Variants in NIPAL1 observed in about 807,000 individuals in gnomAD.
NIPAL1 encodes the protein NIPA like domain containing 1.
NIPAL1 carries 35 observed loss-of-function variants against 37.7 expected under a neutral mutation model. The ratio of observed to expected loss-of-function variants is 0.93; its 90% CI spans 0.71 to 1.23. The LOEUF is 1.23. NIPAL1 is among the 50% of genes most tolerant of loss of function. The pLI is 0.00. For synonymous variants in NIPAL1, 162 were observed against 183.0 expected, an observed-to-expected ratio of 0.89 and a Z score of 0.93; for missense variants, 412 against 473.9, an observed-to-expected ratio of 0.87 and a Z score of 1.21.
rs1715655946 is a variant in NIPAL1, at chr4:48,025,079, T to C, written c.58T>C (p.Ser20Pro). The C allele has an allele frequency of 6.2e-7, 1 of 1,613,942 alleles. No homozygotes were observed. The highest frequency in any genetic ancestry group is 8.5e-7 in the Non-Finnish European group (1 of 1,179,784). ...TTCCTTTTTTCCAGGATATGTGCTG[T>C]CTCTGGTCTGTCCAAACTCCTCCCA... ...GEPCREGYVL[S>P]LVCPNSSQAW... Residue 20 changes from serine to proline, a missense_variant, in exon 2 of 6, where the codon TCT (serine) becomes CCT (proline). Physicochemically the swap from Ser to Pro is moderately conservative, Grantham distance 74. Coordinates refer to ENST00000295461, the MANE Select transcript of NIPAL1 (RefSeq NM_207330.3).
rs1715720664 is a variant in NIPAL1 at position 48,027,552 on chromosome 4, GAAAGTCCTA to G, written c.313+2221_313+2229del. On this transcript the variant is annotated intron_variant, in intron 2 of 5. Transcript: ENST00000295461. This position sits in a 1 kb window ranked among gnomAD's most constrained non-coding sequence, Gnocchi z 4.1. The stretch of plus-strand genomic sequence containing the variant: ...TAGTAATTTGCCAATTTCTTAAGAA[GAAAGTCCTA>G]AATAAGCACAGTTAACTACTTTGCA... Among the ~76,000 whole-genome samples the G allele has an allele frequency of 6.6e-6, 1 of 152,296 alleles. No individual in the cohort carries two copies. The highest frequency in any genetic ancestry group is 2.4e-5 in the African/African-American group (1 of 41,562).
intron 1 of NIPAL1, among the ~76,000 whole-genome samples, chr4:48,023,073 G>GTTTTGT (rs60567859): frequency 0.021 from 3,246 of 151,254 alleles, 112 homozygotes; most frequent in African/African-American, 0.074. Context: ...TCTTTGTTTT[G>GTTTTGT]TTTTGTTTTT....
At chr4:48,032,004 G>T (rs149500841) in intron 3 of NIPAL1, among the ~76,000 whole-genome samples, 1 of 152,284 alleles carries the variant, frequency 6.6e-6, no homozygotes, top group East Asian at 1.9e-4. Flanking sequence ...CTCCCAAAGT[G>T]CTGGGATTAC....
At chr4:48,025,418 C>T in intron 2 of NIPAL1, 84 bp downstream of exon 2, 3 of 1,316,994 alleles carry the variant, frequency 2.3e-6, no homozygotes, top group Non-Finnish European at 3.2e-6. Flanking sequence ...CTCTTATAAA[C>T]TTGCTTGTGT....
intron 1 of NIPAL1, 44 bp from the exon 2 acceptor site, chr4:48,025,024 C>G (rs1363780211): frequency 1.3e-6 from 2 of 1,573,220 alleles, no homozygotes; most frequent in South Asian, 2.3e-5. Context: ...GCATTAATAC[C>G]TCTCCCTTTC....
At chr4:48,017,306 G>A (rs98270) in intron 1 of NIPAL1, among the ~76,000 whole-genome samples, 50,584 of 152,094 alleles carry the variant, frequency 0.33, 8,666 homozygotes, top group South Asian at 0.47. Flanking sequence ...GTCTGCCTGG[G>A]GGGCCCGTGG....
rs199620025 is a variant in NIPAL1, at chr4:48,039,341, C to CA, written c.*3183dup. On this transcript the variant is annotated 3_prime_UTR_variant, in exon 6 of 6. Transcript: ENST00000295461. Reference sequence around the variant, plus strand: ...CCTGGGTAACAGCAAGACTCCGTCTCAAAAAAAAAAAAAATTCCCAAATAG... The same window carrying CA: ...CCTGGGTAACAGCAAGACTCCGTCTCAAAAAAAAAAAAAAATTCCCAAATAG... 17,090 of 131,392 alleles carry CA rather than the reference C, an allele frequency of 0.13. 1,233 individuals carry two copies. Among genetic ancestry groups the CA allele is most frequent in the South Asian group, 0.27 (1,174 of 4,338 alleles). The allele number at this position is 131,392 out of a possible 1,614,324, so 8.1% of individuals were successfully genotyped here.
chr4:48,031,616 TTAAG>T (rs1290660811), intron 3 of NIPAL1, among the ~76,000 whole-genome samples: 8 of 152,228 alleles, frequency 5.3e-5, no homozygotes, highest in Admixed American at 2.6e-4. Context: ...ACATTAGAGA[TTAAG>T]TAAGTGATAT....
chr4:48,039,843 C>T lies in NIPAL1; in HGVS notation c.*3671C>T, dbSNP rs1577630388. ...GGACCATTGAGTGCCTATTTTTATACATTCATCTTTTCTCAATTTGTCACA... is the reference window on the plus strand; with the variant it reads ...GGACCATTGAGTGCCTATTTTTATATATTCATCTTTTCTCAATTTGTCACA... On this transcript the variant is annotated 3_prime_UTR_variant, in exon 6 of 6. Coordinates refer to ENST00000295461, the MANE Select transcript of NIPAL1 (RefSeq NM_207330.3). 2 of 152,188 alleles carry T rather than the reference C, an allele frequency of 1.3e-5. No homozygotes were observed. Among genetic ancestry groups the T allele is most frequent in the East Asian group, 3.8e-4 (2 of 5,204 alleles). The allele number at this position is 152,188 out of a possible 1,614,324, so 9.4% of individuals were successfully genotyped here. A position where few individuals can be genotyped will look rare whatever the true frequency, so the allele number is the denominator to read the frequency against.
At chr4:48,032,211 C>A (rs527511609) in intron 3 of NIPAL1, among the ~76,000 whole-genome samples, 1 of 152,218 alleles carries the variant, frequency 6.6e-6, no homozygotes, top group African/African-American at 2.4e-5. Context: ...CTTTCTCTCT[C>A]TACAATAAGC....
intron 1 of NIPAL1, among the ~76,000 whole-genome samples, chr4:48,017,132 G>A (rs1350221526): frequency 6.6e-6 from 1 of 152,260 alleles, no homozygotes; most frequent in Non-Finnish European, 1.5e-5. Context: ...ACTCCCACTC[G>A]ATTCGCGAGG....
chr4:48,016,829 C>A lies in NIPAL1; in HGVS notation c.-11C>A. On this transcript the variant is annotated 5_prime_UTR_variant, in exon 1 of 6. Transcript: ENST00000295461. ...CAAGCGCCCGCGTTCCGGAAGCCCG[C>A]TCCCGGGGCCATGGGGGCACAGGTG... 1.3e-6 allele frequency: 2 copies of A among 1,573,756 alleles called. No individual in the cohort carries two copies. Among genetic ancestry groups the A allele is most frequent in the South Asian group, 1.2e-5 (1 of 86,468 alleles).
rs545578993 is a variant in NIPAL1 at position 48,039,418 on chromosome 4, T to C, written c.*3246T>C. On this transcript the variant is annotated 3_prime_UTR_variant, in exon 6 of 6. Transcript: ENST00000295461. Reference sequence around the variant, plus strand: ...ATGCTGGACCCCTATATTCAGACTATTAGTCTTAACTGGTAGTTTATGTAT... The same window carrying C: ...ATGCTGGACCCCTATATTCAGACTACTAGTCTTAACTGGTAGTTTATGTAT... The C allele has an allele frequency of 1.3e-5, 2 of 152,294 alleles. No individual in the cohort carries two copies. The highest frequency in any genetic ancestry group is 3.9e-4 in the East Asian group (2 of 5,194). 9.4% of individuals were successfully genotyped at this position (152,294 alleles called of 1,614,324 possible).
chr4:48,032,792 T>C (rs1715849963), intron 3 of NIPAL1, among the ~76,000 whole-genome samples: 1 of 152,208 alleles, frequency 6.6e-6, no homozygotes, highest in African/African-American at 2.4e-5. Flanking sequence ...TCTTTTGAGT[T>C]TATCACCTGG....
rs150709390 is a variant in NIPAL1 at position 48,035,685 on chromosome 4, T to C, written c.746T>C (p.Phe249Ser). 142 of 1,613,928 alleles carry C rather than the reference T, an allele frequency of 8.8e-5. No individual in the cohort carries two copies. The highest frequency in any genetic ancestry group is 1.2e-4 in the Non-Finnish European group (141 of 1,180,008). The change falls in exon 6 of 6, where the codon TTT (phenylalanine) becomes TCT (serine). Residue 249 changes from phenylalanine to serine, a missense_variant. By Grantham distance (155) the Phe-to-Ser change is radical. Transcript: ENST00000295461. ...YISICSLIGA[F>S]SVSSVKGLGI... Reference sequence around the variant, plus strand: ...TCAATCTGTTCCTTGATTGGAGCGTTTTCAGTTTCTTCTGTGAAAGGCCTG... The same window carrying C: ...TCAATCTGTTCCTTGATTGGAGCGTCTTCAGTTTCTTCTGTGAAAGGCCTG...
chr4:48,035,101 T>C, intron 5 of NIPAL1, 60 bp downstream of exon 5: 4 of 1,322,398 alleles, frequency 3.0e-6, no homozygotes, highest in Non-Finnish European at 2.2e-6. Flanking sequence ...CCTCACCAAA[T>C]AGTATCTGTA....
chr4:48,035,722 T>G lies in NIPAL1; in HGVS notation c.783T>G (p.Ile261Met), dbSNP rs753502746. ...VSSVKGLGIA[I>M]KELIEWKPVY... is the part of the protein sequence containing the mutation. The stretch of plus-strand genomic sequence containing the variant: ...CTGTGAAAGGCCTGGGAATTGCCAT[T>G]AAGGAGCTGATAGAATGGAAGCCAG... The change falls in exon 6 of 6, where the codon ATT (isoleucine) becomes ATG (methionine). Residue 261 changes from isoleucine (I) to methionine (M), a missense_variant. Physicochemically the swap from Ile to Met is conservative, Grantham distance 10 (BLOSUM62 1). Coordinates refer to ENST00000295461, the MANE Select transcript of NIPAL1 (RefSeq NM_207330.3). 1.9e-6 allele frequency: 3 copies of G among 1,614,136 alleles called. No homozygotes were observed. The highest frequency in any genetic ancestry group is 2.5e-6 in the Non-Finnish European group (3 of 1,179,986).
intron 3 of NIPAL1, among the ~76,000 whole-genome samples, chr4:48,030,679 A>G (rs1715801546): frequency 6.6e-6 from 1 of 152,212 alleles, no homozygotes; most frequent in Admixed American, 6.5e-5. Flanking sequence ...ACCTGCTGTG[A>G]GGATTAAACG....
At chr4:48,020,452 AT>A (rs1277938977) in intron 1 of NIPAL1, among the ~76,000 whole-genome samples, 1 of 152,190 alleles carries the variant, frequency 6.6e-6, no homozygotes, top group Non-Finnish European at 1.5e-5. Context: ...TATATCACAT[AT>A]TCTTGCTTAG....
Sources: gnomAD v4.1 joint callset for allele counts (sites outside exome capture counted in the v4.1 genomes callset) on GRCh38, gnomAD v4.1.1 for gene constraint, Gnocchi (gnomAD v3.1) non-coding constraint, MANE v1.5 for transcripts, NCBI Gene and HGNC (gene_info 2026-07-23, HGNC 2026-07-21) for gene names.